The following FAF1 variants were observed in gnomAD, a reference collection of about 807,000 sequenced individuals.
FAF1 encodes Fas associated factor 1.
A neutral mutation model predicts 92.5 loss-of-function variants in FAF1; 25 were observed. That is an observed-to-expected ratio of 0.27 (90% confidence interval 0.20 to 0.38). FAF1 has a LOEUF of 0.38. FAF1 is among the 10% of genes least tolerant of loss of function. The pLI is 1.00. For missense variants in FAF1, 636 were observed against 793.3 expected (o/e 0.80, Z 2.38); for synonymous variants, 234 against 273.2 (o/e 0.86, Z 1.42).
At chr1:50,546,405 G>A (rs531508769) in intron 13 of FAF1, among the ~76,000 whole-genome samples, 13 of 152,194 alleles carry the variant, frequency 8.5e-5, no homozygotes, top group East Asian at 3.9e-4. Flanking sequence ...TCACTCTGTC[G>A]TCTAGGCTGG....
At chr1:50,476,751 G>A (rs1572769981) in intron 17 of FAF1, among the ~76,000 whole-genome samples, 1 of 151,786 alleles carries the variant, frequency 6.6e-6, no homozygotes, top group East Asian at 1.9e-4. Context: ...GATTTTAAAA[G>A]CTAAATTATC....
chr1:50,656,050 G>C (rs564323223), intron 7 of FAF1, among the ~76,000 whole-genome samples: 1 of 152,134 alleles, frequency 6.6e-6, no homozygotes, highest in Non-Finnish European at 1.5e-5. Context: ...AGTAGCACAG[G>C]GCCGGGGACG....
intron 9 of FAF1, among the ~76,000 whole-genome samples, chr1:50,586,832 G>A (rs1456509743): frequency 6.6e-6 from 1 of 152,198 alleles, no homozygotes; most frequent in Non-Finnish European, 1.5e-5. Context: ...GGAGAATGAA[G>A]TTGCCTTTAA....
At chr1:50,472,368 T>TACACACACACACACACACACACACAC (rs71850142) in intron 18 of FAF1, among the ~76,000 whole-genome samples, 1 of 123,886 alleles carries the variant, frequency 8.1e-6, no homozygotes, top group Non-Finnish European at 1.7e-5. Flanking sequence ...GGGGAAAACA[T>TACACACACACACACACACACACACAC]ACACACACAC....
intron 12 of FAF1, 145 bp downstream of exon 12, chr1:50,582,473 A>C (rs1206774089): frequency 1.5e-5 from 9 of 613,360 alleles, no homozygotes; most frequent in Admixed American, 2.8e-5. Context: ...GCCCATGCAC[A>C]ATGATGACAT....
At chr1:50,546,593 T>C (rs1269918152) in intron 13 of FAF1, among the ~76,000 whole-genome samples, 2 of 152,124 alleles carry the variant, frequency 1.3e-5, no homozygotes, top group Non-Finnish European at 2.9e-5. Flanking sequence ...CTCGAACTCC[T>C]GGCCTTGTGA....
chr1:50,590,019 A>G (rs1028399608), intron 9 of FAF1, among the ~76,000 whole-genome samples: 6 of 152,164 alleles, frequency 3.9e-5, no homozygotes. Flanking sequence ...TCTCTATTAT[A>G]TTCCATTGGG....
intron 6 of FAF1, among the ~76,000 whole-genome samples, chr1:50,729,063 T>A (rs1255318006): frequency 1.6e-4 from 23 of 142,638 alleles, no homozygotes; most frequent in Middle Eastern, 3.6e-3. Flanking sequence ...TATATATTTT[T>A]TTTTTTTTTG....
At chr1:50,509,853 T>A (rs1193497049) in intron 15 of FAF1, among the ~76,000 whole-genome samples, 1 of 151,332 alleles carries the variant, frequency 6.6e-6, no homozygotes, top group Non-Finnish European at 1.5e-5. Context: ...CTTCCAACAC[T>A]GATCAATTTT....
rs1004369256 is a variant in FAF1, at chr1:50,806,395, T to A, written c.115-4718A>T. On this transcript the variant is annotated intron_variant, in intron 2 of 18. Transcript: ENST00000396153. ...TAATATCAAGCAACAGAACATCTCA[T>A]ACACTGTACAAACAACTTTCAAAAC... 2.6e-5 allele frequency among the ~76,000 whole-genome samples: 4 copies of A among 152,328 alleles called. No homozygotes were observed. The South Asian group carries it at 8.3e-4, about 32-fold the overall frequency.
chr1:50,701,240 A>G (rs2124415698), intron 7 of FAF1, among the ~76,000 whole-genome samples: 1 of 152,222 alleles, frequency 6.6e-6, no homozygotes, highest in South Asian at 2.1e-4. Flanking sequence ...AATATATGCC[A>G]TTTATCTTGC....
At position 50,716,767 on chromosome 1, in the gene FAF1, G is replaced by A. The variant is rs1038632244; in HGVS notation, c.552-10876C>T. ...CTAAAGGACTGTAAATGCACCAATC[G>A]GCACTCTGTAAAATGGACCAACCAG... On this transcript the variant is annotated intron_variant, in intron 6 of 18. Coordinates refer to ENST00000396153, the MANE Select transcript of FAF1 (RefSeq NM_007051.3). Among the ~76,000 whole-genome samples, 6 of 152,214 alleles carry A rather than the reference G, an allele frequency of 3.9e-5. No individual in the cohort carries two copies. The South Asian group carries it at 6.2e-4, about 16-fold the overall frequency.
Position 50,788,132 on chromosome 1 carries a change from A to G in FAF1, c.235T>C (p.Ser79Pro), listed in dbSNP as rs767149574. The change falls in exon 4 of 19, where the codon TCT becomes CCT. Residue 79 changes from serine (S) to proline (P), a missense_variant. Physicochemically the swap from Ser to Pro is moderately conservative, Grantham distance 74. Transcript: ENST00000396153. ...ASHPASAPTS[S>P]SSSAFRPVMP... ...ACAGGTCGAAACGCTGAAGAAGAAG[A>G]GGAAGTAGGAGCTGAAGCTGGATGA... 7.4e-6 allele frequency: 12 copies of G among 1,614,042 alleles called. No homozygotes were observed. The highest frequency in any genetic ancestry group is 9.3e-6 in the Non-Finnish European group (11 of 1,180,026).
chr1:50,494,849 T>C (rs10888690), intron 15 of FAF1, among the ~76,000 whole-genome samples: 64,085 of 152,086 alleles, frequency 0.42, 14,593 homozygotes, highest in African/African-American at 0.56. Flanking sequence ...AGTTATATAC[T>C]AGAAATTCAG....
In FAF1 at chr1:50,567,115, G is replaced by C. The variant is rs1188749865; in HGVS notation, c.1230C>G (p.Thr410=). ...AGTCCTTTGTCAGATCCCAAGCCCAGGTTATAAAATTTTGACTCAGATAAG... is the reference window on the plus strand; with the variant it reads ...AGTCCTTTGTCAGATCCCAAGCCCACGTTATAAAATTTTGACTCAGATAAG... ...IVSYLSQNFI[T]WAWDLTKDSN... is the part of the protein sequence containing the mutation. The change falls in exon 13 of 19, where the codon ACC becomes ACG. Residue 410 remains threonine, a synonymous_variant. Coordinates refer to ENST00000396153, the MANE Select transcript of FAF1 (RefSeq NM_007051.3). The C allele has an allele frequency of 6.2e-7, 1 of 1,609,514 alleles. No individual in the cohort carries two copies. Among genetic ancestry groups the C allele is most frequent in the East Asian group, 2.2e-5 (1 of 44,814 alleles).
chr1:50,527,838 T>TCTCTCTCTCC (rs1647902260), intron 15 of FAF1, among the ~76,000 whole-genome samples: 6 of 93,006 alleles, frequency 6.5e-5, no homozygotes, highest in Admixed American at 6.2e-4. Flanking sequence ...TCTCTCTCTC[T>TCTCTCTCTCC]CTCTCCCTCT....
At chr1:50,777,287 C>T (rs1053221425) in intron 4 of FAF1, among the ~76,000 whole-genome samples, 2 of 151,432 alleles carry the variant, frequency 1.3e-5, no homozygotes. Context: ...AACATGGTGG[C>T]GTGCGCCTGT....
At chr1:50,915,197 C>G (rs1177277396) in intron 1 of FAF1, among the ~76,000 whole-genome samples, 1 of 152,032 alleles carries the variant, frequency 6.6e-6, no homozygotes, top group African/African-American at 2.4e-5. Flanking sequence ...ATGGAGAAAT[C>G]CTGTCTCTAC....
chr1:50,722,367 G>A (rs901718384), intron 6 of FAF1, among the ~76,000 whole-genome samples: 4 of 152,178 alleles, frequency 2.6e-5, no homozygotes, highest in Non-Finnish European at 5.9e-5. Flanking sequence ...AGCACTATAA[G>A]GCCGGGCGCG....
Sources: allele counts gnomAD v4.1 joint callset (sites outside exome capture counted in the v4.1 genomes callset), GRCh38; gene constraint gnomAD v4.1.1; transcripts MANE v1.5; gene names NCBI Gene and HGNC (gene_info 2026-07-23, HGNC 2026-07-21).